The following RNF130 variants were observed in gnomAD, a reference collection of about 807,000 sequenced individuals.
RNF130 encodes the protein ring finger protein 130, also known as E3 ubiquitin-protein ligase RNF130.
In RNF130, 21 loss-of-function variants were observed where a neutral mutation model predicts 44.6. The ratio of observed to expected loss-of-function variants is 0.47; its 90% CI spans 0.33 to 0.68. RNF130 has a LOEUF of 0.68. Ranked by LOEUF, RNF130 falls within the 30% of genes least tolerant of loss-of-function variation. The pLI, the probability that RNF130 is intolerant of heterozygous loss-of-function variation, is 0.02. For missense variants in RNF130, 479 were observed against 560.6 expected (o/e 0.85, Z 1.47); for synonymous variants, 214 against 210.4 (o/e 1.02, Z -0.15).
intron 8 of RNF130, among the ~76,000 whole-genome samples, chr5:179,962,438 T>C (rs1762353348): frequency 6.6e-6 from 1 of 152,168 alleles, no homozygotes; most frequent in Non-Finnish European, 1.5e-5. Context: ...AGTTTGGTTA[T>C]TACTCATCAA....
chr5:179,991,038 A>C (rs1218578651), intron 3 of RNF130, among the ~76,000 whole-genome samples: 2 of 152,096 alleles, frequency 1.3e-5, no homozygotes, highest in South Asian at 4.1e-4. Flanking sequence ...TCTGAGAAAG[A>C]CCCGTTTTCT....
At chr5:179,930,410 G>C (rs997804602) in intron 7 of RNF130, among the ~76,000 whole-genome samples, 3 of 152,134 alleles carry the variant, frequency 2.0e-5, no homozygotes, top group African/African-American at 7.2e-5. Flanking sequence ...AATTGATCCT[G>C]TTAAATTTAC....
intron 7 of RNF130, among the ~76,000 whole-genome samples, chr5:179,946,554 A>ATT (rs397701505): frequency 0.011 from 1,530 of 140,696 alleles, 32 homozygotes; most frequent in African/African-American, 0.034. Flanking sequence ...CCCACCGGGG[A>ATT]TTTTTTTTTT....
intron 6 of RNF130, 67 bp downstream of exon 6, chr5:179,970,343 G>T: frequency 8.4e-7 from 1 of 1,189,034 alleles, no homozygotes; most frequent in Non-Finnish European, 1.2e-6. Flanking sequence ...TGCCAATTAT[G>T]TTATATTGTA....
At chr5:179,966,736 T>A in intron 7 of RNF130, 70 bp downstream of exon 7, 2 of 1,411,782 alleles carry the variant, frequency 1.4e-6, no homozygotes, top group Non-Finnish European at 2.0e-6. Context: ...GTGCCTTGAC[T>A]CTCCTGATGG....
chr5:180,030,496 C>G (rs1764109435), intron 2 of RNF130, among the ~76,000 whole-genome samples: 2 of 152,170 alleles, frequency 1.3e-5, no homozygotes, highest in African/African-American at 4.8e-5. Context: ...CCAGAAAATT[C>G]ACTCACGCCG....
intron 7 of RNF130, among the ~76,000 whole-genome samples, chr5:179,923,499 T>G (rs1309568047): frequency 2.0e-5 from 3 of 152,220 alleles, no homozygotes; most frequent in Non-Finnish European, 2.9e-5. Context: ...AACTGTCACC[T>G]AAATGGATGT....
chr5:179,973,726 G>C (rs1014470332), intron 5 of RNF130, among the ~76,000 whole-genome samples: 1 of 152,120 alleles, frequency 6.6e-6, no homozygotes. Flanking sequence ...GGGGCAAGTA[G>C]GGCCTTGAAA....
intron 2 of RNF130, among the ~76,000 whole-genome samples, chr5:180,019,977 G>C (rs948673267): frequency 3.3e-5 from 5 of 152,228 alleles, no homozygotes; most frequent in Non-Finnish European, 7.3e-5. Flanking sequence ...GCAGGACGGA[G>C]AGGTGAAGCC....
chr5:179,935,289 T>C (rs1761873453), intron 7 of RNF130, among the ~76,000 whole-genome samples: 1 of 152,210 alleles, frequency 6.6e-6, no homozygotes, highest in Non-Finnish European at 1.5e-5. Flanking sequence ...AGCATATAAG[T>C]CTATCTTAGT....
chr5:179,949,409 G>A (rs2113688266), intron 7 of RNF130, among the ~76,000 whole-genome samples: 1 of 151,646 alleles, frequency 6.6e-6, no homozygotes, highest in Non-Finnish European at 1.5e-5. Flanking sequence ...ATAAGAACAA[G>A]CCACCATGTC....
chr5:179,979,005 T>G (rs1762773043), intron 4 of RNF130, among the ~76,000 whole-genome samples: 1 of 152,192 alleles, frequency 6.6e-6, no homozygotes, highest in South Asian at 2.1e-4. Flanking sequence ...TGAAACTCAG[T>G]GGACAACTCT....
At chr5:179,939,952 C>CT (rs34848443) in intron 7 of RNF130, 14,552 of 190,418 alleles carry the variant, frequency 0.076, 1,215 homozygotes, top group African/African-American at 0.24. Flanking sequence ...ATAAACGTCC[C>CT]TTTTTTTTTT....
intron 2 of RNF130, among the ~76,000 whole-genome samples, chr5:180,035,569 G>A (rs1387897823): frequency 2.0e-5 from 3 of 152,144 alleles, no homozygotes; most frequent in Admixed American, 2.0e-4. Flanking sequence ...TTTCTATCTA[G>A]CTATTCTATC....
chr5:179,920,439 G>C, intron 7 of RNF130: 1 of 702,258 alleles, frequency 1.4e-6, no homozygotes, highest in Non-Finnish European at 2.6e-6. Flanking sequence ...GGAAAAGGAA[G>C]AAGAGAAAGA....
chr5:180,065,086 C>T (rs1056596557), intron 1 of RNF130, among the ~76,000 whole-genome samples: 1 of 151,928 alleles, frequency 6.6e-6, no homozygotes, highest in Non-Finnish European at 1.5e-5. Flanking sequence ...CTTAATAATC[C>T]TAACCAATGC....
At chr5:180,027,385 C>T (rs1190542281) in intron 2 of RNF130, among the ~76,000 whole-genome samples, 1 of 152,144 alleles carries the variant, frequency 6.6e-6, no homozygotes, top group Non-Finnish European at 1.5e-5. Context: ...ATGACCTTCT[C>T]TGAGTATAAG....
intron 8 of RNF130, among the ~76,000 whole-genome samples, chr5:179,957,152 C>A (rs1436999537): frequency 6.6e-6 from 1 of 152,182 alleles, no homozygotes; most frequent in Non-Finnish European, 1.5e-5. Flanking sequence ...TGGCTCACGC[C>A]TGTAATCCCA....
intron 7 of RNF130, among the ~76,000 whole-genome samples, chr5:179,926,831 C>T (rs1413919592): frequency 6.6e-6 from 1 of 152,122 alleles, no homozygotes; most frequent in Non-Finnish European, 1.5e-5. Flanking sequence ...GGGACTGAGC[C>T]CTCACCCTGG....
Sources: gnomAD v4.1 joint callset for allele counts (sites outside exome capture counted in the v4.1 genomes callset) on GRCh38, gnomAD v4.1.1 for gene constraint, MANE v1.5 for transcripts, NCBI Gene and HGNC (gene_info 2026-07-23, HGNC 2026-07-21) for gene names.